Variants in RELN observed in about 807,000 individuals in gnomAD.
RELN encodes reelin.
A neutral mutation model predicts 427.6 loss-of-function variants in RELN; 108 were observed. The observed-to-expected ratio is 0.25, with a 90% CI of 0.22 to 0.30. The LOEUF (loss-of-function observed/expected upper bound fraction) is 0.30, where lower values mean the gene tolerates loss of function less well. Ranked by LOEUF, RELN falls within the 10% of genes least tolerant of loss-of-function variation. The probability of loss-of-function intolerance (pLI) is 1.00; values close to 1 mark genes in which losing one functional copy is unlikely to be tolerated. For missense variants in RELN, 3,715 were observed against 4,302.8 expected, an observed-to-expected ratio of 0.86 and a Z score of 3.82; for synonymous variants, 1,524 against 1,513.4, an observed-to-expected ratio of 1.01 and a Z score of -0.16.
intron 2 of RELN, among the ~76,000 whole-genome samples, chr7:103,863,800 G>A (rs1794128502): frequency 1.3e-5 from 2 of 151,350 alleles, no homozygotes; most frequent in Admixed American, 6.6e-5. Context: ...TTTCACATGA[G>A]ATAAATCCTT....
chr7:103,602,056 C>T (rs1208824383), intron 24 of RELN, among the ~76,000 whole-genome samples: 1 of 152,140 alleles, frequency 6.6e-6, no homozygotes, highest in Non-Finnish European at 1.5e-5. Context: ...CTCTACATAC[C>T]CCCACTCTCA....
chr7:103,566,138 G>A, intron 33 of RELN, 86 bp downstream of exon 33: 1 of 1,204,632 alleles, frequency 8.3e-7, no homozygotes, highest in Admixed American at 1.8e-5. Context: ...ACACGGTTTT[G>A]CATTAGAAAG....
intron 51 of RELN, among the ~76,000 whole-genome samples, chr7:103,503,654 A>G (rs1403933176): frequency 1.3e-5 from 2 of 152,208 alleles, no homozygotes; most frequent in Non-Finnish European, 2.9e-5. Context: ...AACACTTTCA[A>G]CGACAAGTAA....
At chr7:103,481,877 T>C (rs142372988) in intron 63 of RELN, 34 of 152,314 alleles carry the variant, frequency 2.2e-4, no homozygotes, top group African/African-American at 7.5e-4. Flanking sequence ...CAACTTTGTC[T>C]TGTGGAGGCA....
intron 2 of RELN, among the ~76,000 whole-genome samples, chr7:103,890,913 T>C (rs1215290396): frequency 2.6e-5 from 4 of 151,992 alleles, no homozygotes; most frequent in Non-Finnish European, 4.4e-5. Context: ...CCGTCTCTAC[T>C]AAAAATACAA....
At chr7:103,643,737 A>G (rs1385277401) in intron 16 of RELN, among the ~76,000 whole-genome samples, 1 of 151,976 alleles carries the variant, frequency 6.6e-6, no homozygotes, top group East Asian at 1.9e-4. Context: ...TTGGGATCCT[A>G]TTTTTAGGTT....
At chr7:103,820,610 A>G (rs1287209263) in intron 3 of RELN, among the ~76,000 whole-genome samples, 1 of 152,088 alleles carries the variant, frequency 6.6e-6, no homozygotes, top group Non-Finnish European at 1.5e-5. Flanking sequence ...AGAACAAGGT[A>G]ACAATTTGCT....
intron 4 of RELN, among the ~76,000 whole-genome samples, chr7:103,756,314 T>C (rs1019061205): frequency 6.6e-6 from 1 of 152,146 alleles, no homozygotes; most frequent in African/African-American, 2.4e-5. Context: ...GGCCCGGAAG[T>C]TGTATTTTTT....
intron 10 of RELN, among the ~76,000 whole-genome samples, chr7:103,686,810 A>G (rs1414350893): frequency 1.3e-5 from 2 of 152,204 alleles, no homozygotes; most frequent in East Asian, 3.8e-4. Context: ...TTCATGCTAT[A>G]TTAAAAGAAA....
intron 2 of RELN, among the ~76,000 whole-genome samples, chr7:103,851,332 G>T (rs111535654): frequency 2.0e-5 from 3 of 152,244 alleles, no homozygotes; most frequent in South Asian, 4.2e-4. Context: ...TGGGGACTTG[G>T]GGGGAAGAGT....
intron 12 of RELN, among the ~76,000 whole-genome samples, chr7:103,656,025 T>A (rs1022132600): frequency 6.6e-6 from 1 of 152,012 alleles, no homozygotes; most frequent in African/African-American, 2.4e-5. Context: ...TCTGGAGTAA[T>A]TAAGAAAACT....
chr7:103,841,813 A>C (rs1270800282), intron 2 of RELN, among the ~76,000 whole-genome samples: 2 of 152,170 alleles, frequency 1.3e-5, no homozygotes, highest in East Asian at 3.9e-4. Flanking sequence ...AACATTACAC[A>C]TTCATGTTGG....
chr7:103,866,352 C>T (rs144191118), intron 2 of RELN, among the ~76,000 whole-genome samples: 7 of 152,130 alleles, frequency 4.6e-5, no homozygotes, highest in African/African-American at 1.7e-4. Context: ...TCTGGTTCTC[C>T]CAAACCAAGC....
intron 2 of RELN, among the ~76,000 whole-genome samples, chr7:103,898,847 T>A (rs945935001): frequency 2.0e-5 from 3 of 152,064 alleles, no homozygotes; most frequent in Admixed American, 1.3e-4. Flanking sequence ...TTAGCATTTT[T>A]AAATTACACA....
intron 3 of RELN, among the ~76,000 whole-genome samples, chr7:103,786,281 A>G (rs1025666280): frequency 6.6e-6 from 1 of 152,130 alleles, no homozygotes; most frequent in African/African-American, 2.4e-5. Flanking sequence ...ATACCCTTGT[A>G]GTTTTTAAAA....
chr7:103,680,900 A>G (rs1308166420), intron 11 of RELN, among the ~76,000 whole-genome samples: 1 of 152,056 alleles, frequency 6.6e-6, no homozygotes, highest in African/African-American at 2.4e-5. Context: ...GAGGGGGTGG[A>G]GTCATTCAGA....
intron 31 of RELN, 26 bp downstream of exon 31, chr7:103,572,158 A>G (rs1416907110): frequency 2.8e-6 from 4 of 1,405,362 alleles, no homozygotes; most frequent in Admixed American, 1.7e-5. Flanking sequence ...AGTAACTGTA[A>G]TTTCCATGGA....
At chr7:103,618,347 C>T (rs79733256) in intron 20 of RELN, among the ~76,000 whole-genome samples, 5,446 of 151,932 alleles carry the variant, frequency 0.036, 156 homozygotes, top group East Asian at 0.15. Context: ...CCTCTGATAG[C>T]ACCACCTGTT....
intron 4 of RELN, among the ~76,000 whole-genome samples, chr7:103,763,249 G>A (rs1791346785): frequency 6.6e-6 from 1 of 152,166 alleles, no homozygotes; most frequent in Non-Finnish European, 1.5e-5. Flanking sequence ...GGACATGGGA[G>A]GTACAGACTG....
Sources: gnomAD v4.1 joint callset for allele counts (sites outside exome capture counted in the v4.1 genomes callset) on GRCh38, gnomAD v4.1.1 for gene constraint, MANE v1.5 for transcripts, NCBI Gene and HGNC (gene_info 2026-07-23, HGNC 2026-07-21) for gene names.